DMWD: variants seen among roughly 807,000 people sequenced by gnomAD.
DMWD encodes DM1 locus, WD repeat containing, also known as dystrophia myotonica WD repeat-containing protein.
In DMWD, 19 loss-of-function variants were observed where a neutral mutation model predicts 45.8. That is an observed-to-expected ratio of 0.41 (90% CI 0.29 to 0.61). DMWD has a LOEUF of 0.61. Ranked by LOEUF, DMWD falls within the 20% of genes least tolerant of loss-of-function variation. The probability of loss-of-function intolerance (pLI) is 0.25; values close to 1 mark genes in which losing one functional copy is unlikely to be tolerated. For synonymous variants in DMWD, 515 were observed against 440.5 expected (o/e 1.17, Z -2.12); for missense variants, 802 against 965.2 (o/e 0.83, Z 2.24).
Position 45,787,117 on chromosome 19 carries a change from G to A in DMWD, c.625-246C>T, listed in dbSNP as rs751835352. The stretch of plus-strand genomic sequence containing the variant: ...GCCACAGGGTGCTCCAAGGAGCCTC[G>A]ATGTCCCATCTTTGGCGAGGGGACA... On this transcript the variant is annotated intron_variant, in intron 2 of 4. Coordinates refer to ENST00000270223, the MANE Select transcript of DMWD (RefSeq NM_004943.2). 6 of 638,056 alleles carry A rather than the reference G, an allele frequency of 9.4e-6. No homozygotes were observed. In the East Asian group the frequency reaches 1.2e-4, roughly 12 times the overall value. 39.5% of individuals were successfully genotyped at this position (638,056 alleles called of 1,614,324 possible).
rs776045973 is a variant in DMWD at position 45,785,845 on chromosome 19, G to C, written c.1651C>G (p.Arg551Gly). 6.2e-7 allele frequency: 1 copy of C among 1,609,926 alleles called. No homozygotes were observed. Among genetic ancestry groups the C allele is most frequent in the Non-Finnish European group, 8.5e-7 (1 of 1,179,716 alleles). ...CTGCCACTGCCGCCACTGCCACCCCGGCTGATGTTGCCCAGGCTGTGGTAG... is the reference window on the plus strand; with the variant it reads ...CTGCCACTGCCGCCACTGCCACCCCCGCTGATGTTGCCCAGGCTGTGGTAG... ...KRYHSLGNIS[R>G]GGSGGSGSGG... Residue 551 changes from arginine to glycine, a missense_variant, in exon 3 of 5, where the codon CGG becomes GGG. Coordinates refer to ENST00000270223, the MANE Select transcript of DMWD (RefSeq NM_004943.2).
Position 45,786,069 on chromosome 19 carries a change from G to GAA in DMWD, c.1426_1427insTT (p.Ser476PhefsTer184). The GAA allele has an allele frequency of 6.6e-7, 1 of 1,522,424 alleles. No individual in the cohort carries two copies. The highest frequency in any genetic ancestry group is 1.4e-5 in the African/African-American group (1 of 72,680). 94.3% of individuals were successfully genotyped at this position (1,522,424 alleles called of 1,614,324 possible). A position where few individuals can be genotyped will look rare whatever the true frequency, so the allele number is the denominator to read the frequency against. ...GCCTGGGCCAGGCTCGCCACCCCTC[G>GAA]AGCTGCTGGCGGCCGGTGGCGTGGT... On this transcript the variant is annotated frameshift_variant, in exon 3 of 5. Transcript: ENST00000270223. LOFTEE classifies it high-confidence loss of function.
Position 45,786,678 on chromosome 19 carries a change from G to A in DMWD, c.818C>T (p.Pro273Leu). Reference protein sequence around the residue: ...FSVYAAKSKAPRNPLAKWAVG... With the variant: ...FSVYAAKSKALRNPLAKWAVG... ...CGCCCACTTGGCCAGCGGGTTGCGG[G>A]GTGCCTTGCTCTTGGCAGCATAGAC... Residue 273 changes from proline (P) to leucine (L), a missense_variant, in exon 3 of 5, where the codon CCC becomes CTC. Coordinates refer to ENST00000270223, the MANE Select transcript of DMWD (RefSeq NM_004943.2). 2 of 1,610,798 alleles carry A rather than the reference G, an allele frequency of 1.2e-6. No individual in the cohort carries two copies. Among genetic ancestry groups the A allele is most frequent in the Non-Finnish European group, 1.7e-6 (2 of 1,177,442 alleles).
At chr19:45,786,910 A>G (rs1970287465) in intron 2 of DMWD, 39 bp from the exon 3 acceptor site, 1 of 1,588,916 alleles carries the variant, frequency 6.3e-7, no homozygotes, top group Non-Finnish European at 8.6e-7. Context: ...AGAAGGCAGT[A>G]AAACCCAGGC....
chr19:45,784,461 T>C (rs1288377186), intron 4 of DMWD, 171 bp from the exon 5 acceptor site: 72 of 1,295,120 alleles, frequency 5.6e-5, no homozygotes, highest in Middle Eastern at 5.4e-4. Flanking sequence ...GGAACTTGCA[T>C]CTTAGCTAGC....
In DMWD at chr19:45,786,428, G is replaced by C. The variant is rs372611310; in HGVS notation, c.1068C>G (p.Thr356=). ...EDDLVTVWSF[T]EGRVVARGHG... ...GGCCTCGAGCCACCACGCGGCCCTC[G>C]GTGAAGGACCACACGGTGACCAGGT... Residue 356 remains threonine (T), a synonymous_variant, in exon 3 of 5, where the codon ACC becomes ACG. Coordinates refer to ENST00000270223, the MANE Select transcript of DMWD (RefSeq NM_004943.2). 1.2e-6 allele frequency: 2 copies of C among 1,613,388 alleles called. No homozygotes were observed. The highest frequency in any genetic ancestry group is 1.7e-6 in the Non-Finnish European group (2 of 1,179,574).
chr19:45,783,649 C>G lies in DMWD; in HGVS notation c.*594G>C. 2.5e-6 allele frequency: 1 copy of G among 401,082 alleles called. No homozygotes were observed. Among genetic ancestry groups the G allele is most frequent in the Non-Finnish European group, 4.4e-6 (1 of 227,754 alleles). 24.8% of individuals were successfully genotyped at this position (401,082 alleles called of 1,614,324 possible). On this transcript the variant is annotated 3_prime_UTR_variant, in exon 5 of 5. Transcript: ENST00000270223. Reference sequence around the variant, plus strand: ...CTGGGAGCAGGCCTGCACTCCTCCTCTGGGGAAAGCGGACTGCCTAGAACC... The same window carrying G: ...CTGGGAGCAGGCCTGCACTCCTCCTGTGGGGAAAGCGGACTGCCTAGAACC...
rs1970369722 is a variant in DMWD at position 45,792,674 on chromosome 19, G to A, written c.83C>T (p.Thr28Met). The part of the protein sequence containing the change: ...DCAEIKSQFR[T>M]REGFYKLLPG... The stretch of plus-strand genomic sequence containing the variant: ...GAGTAGCTTGTAGAAACCCTCGCGC[G>A]TGCGGAATTGCGACTTAATCTCCGC... The change falls in exon 1 of 5, where the codon ACG (threonine) becomes ATG (methionine). Residue 28 changes from threonine (T) to methionine (M), a missense_variant. Coordinates refer to ENST00000270223, the MANE Select transcript of DMWD (RefSeq NM_004943.2). 4 of 1,309,150 alleles carry A rather than the reference G, an allele frequency of 3.1e-6. No homozygotes were observed. Among genetic ancestry groups the A allele is most frequent in the South Asian group, 3.4e-5 (2 of 57,982 alleles). The allele number at this position is 1,309,150 out of a possible 1,614,324, so 81.1% of individuals were successfully genotyped here. A position where few individuals can be genotyped will look rare whatever the true frequency, so the allele number is the denominator to read the frequency against.
Position 45,792,704 on chromosome 19 carries a change from TCC to T in DMWD, c.51_52del (p.Asp18LeufsTer5). 1 of 1,245,774 alleles carries T rather than the reference TCC, an allele frequency of 8.0e-7. No homozygotes were observed. Among genetic ancestry groups the T allele is most frequent in the South Asian group, 2.2e-5 (1 of 46,056 alleles). The allele number at this position is 1,245,774 out of a possible 1,614,324, so 77.2% of individuals were successfully genotyped here. ...GAATTGCGACTTAATCTCCGCGCAG[TCC>T]CCCATGGCGGCGCCGGGGCCCGAGC... On this transcript the variant is annotated frameshift_variant, in exon 1 of 5. Coordinates refer to ENST00000270223, the MANE Select transcript of DMWD (RefSeq NM_004943.2). LOFTEE classifies it high-confidence loss of function.
In DMWD at chr19:45,792,671, C is replaced by A. The variant is rs1290958154; in HGVS notation, c.86G>T (p.Arg29Leu). 3.0e-6 allele frequency: 4 copies of A among 1,312,126 alleles called. No homozygotes were observed. Among genetic ancestry groups the A allele is most frequent in the Non-Finnish European group, 3.9e-6 (4 of 1,014,858 alleles). 81.3% of individuals were successfully genotyped at this position (1,312,126 alleles called of 1,614,324 possible). A position where few individuals can be genotyped will look rare whatever the true frequency, so the allele number is the denominator to read the frequency against. ...CGGGAGTAGCTTGTAGAAACCCTCG[C>A]GCGTGCGGAATTGCGACTTAATCTC... Reference protein sequence around the residue: ...CAEIKSQFRTREGFYKLLPGD... With the variant: ...CAEIKSQFRTLEGFYKLLPGD... The change falls in exon 1 of 5, where the codon CGC (arginine) becomes CTC (leucine). Residue 29 changes from arginine (R) to leucine (L), a missense_variant. Physicochemically the swap from Arg to Leu is moderately radical, Grantham distance 102. This residue lies in a region of DMWD where 151 missense variants were observed against 128.1 expected (regional missense o/e 1.18). Coordinates refer to ENST00000270223, the MANE Select transcript of DMWD (RefSeq NM_004943.2).
Position 45,792,745 on chromosome 19 carries a change from G to A in DMWD, c.12C>T (p.Gly4=). The A allele has an allele frequency of 1.9e-5, 22 of 1,140,224 alleles. No homozygotes were observed. Among genetic ancestry groups the A allele is most frequent in the Admixed American group, 4.7e-5 (1 of 21,258 alleles). 70.6% of individuals were successfully genotyped at this position (1,140,224 alleles called of 1,614,324 possible). Residue 4 remains glycine, a synonymous_variant, in exon 1 of 5, where the codon GGC becomes GGT. Transcript: ENST00000270223. ...CGGGGCCCGAGCCGCCCTCCGCGCC[G>A]CCCGCCGCCATCTTGGGCGCCCCCC... MAA[G]GAEGGSGPGA...
rs1430180097 is a variant in DMWD at position 45,790,917 on chromosome 19, C to G, written c.612G>C (p.Leu204=). Residue 204 remains leucine, a synonymous_variant, in exon 2 of 5, where the codon CTG becomes CTC. Coordinates refer to ENST00000270223, the MANE Select transcript of DMWD (RefSeq NM_004943.2). ...LDLIKKDTSK[L]FNEERLIDKT... ...GGGCTGCAATCACCTCCTCATTGAACAGCTTGCTGGTGTCCTTTTTGATGA... is the reference window on the plus strand; with the variant it reads ...GGGCTGCAATCACCTCCTCATTGAAGAGCTTGCTGGTGTCCTTTTTGATGA... 5 of 1,605,540 alleles carry G rather than the reference C, an allele frequency of 3.1e-6. No homozygotes were observed. The East Asian group carries it at 1.1e-4, about 36-fold the overall frequency.
Position 45,792,369 on chromosome 19 carries a change from A to G in DMWD, c.388T>C (p.Leu130=). 6.2e-7 allele frequency: 1 copy of G among 1,608,682 alleles called. No individual in the cohort carries two copies. The highest frequency in any genetic ancestry group is 8.5e-7 in the Non-Finnish European group (1 of 1,177,594). Residue 130 remains leucine (L), a synonymous_variant, in exon 1 of 5, where the codon TTG becomes CTG. Transcript: ENST00000270223. ...GGGTAGAAATAGAGCTCACGGCCCA[A>G]GTTGAAGCAGACGCGGTCTCCCCCC... is the stretch of plus-strand genomic sequence containing the variant. ...GSGGDRVCFN[L]GRELYFYPGC...
At position 45,790,885 on chromosome 19, in the gene DMWD, G is replaced by A. The variant is rs757739782; in HGVS notation, c.624+20C>T. The A allele has an allele frequency of 3.3e-5, 53 of 1,589,048 alleles. No homozygotes were observed. Among genetic ancestry groups the A allele is most frequent in the African/African-American group, 5.4e-5 (4 of 73,952 alleles). On this transcript the variant is annotated intron_variant, in intron 2 of 4. Coordinates refer to ENST00000270223, the MANE Select transcript of DMWD (RefSeq NM_004943.2). ...AGGTGAGAAGGCAGAGAAGTTGGGGGCTCTGGGGGCTGCAATCACCTCCTC... is the reference window on the plus strand; with the variant it reads ...AGGTGAGAAGGCAGAGAAGTTGGGGACTCTGGGGGCTGCAATCACCTCCTC...
chr19:45,785,351 T>A (rs573973116), intron 3 of DMWD: 2 of 1,230,648 alleles, frequency 1.6e-6, no homozygotes, highest in African/African-American at 1.6e-5. Flanking sequence ...CAGCCTTGGA[T>A]GCCCCAATTC....
rs757145788 is a variant in DMWD, at chr19:45,786,870, C to T, written c.626G>A (p.Arg209Gln). ...TGTCACCTTGGTCTTGTCGATCAAC[C>T]GCTGCCAGGGGAGACAGTGTGGGGT... Reference protein sequence around the residue: ...KDTSKLFNEERLIDKTKVTYL... With the variant: ...KDTSKLFNEEQLIDKTKVTYL... The change falls in exon 3 of 5, where the codon CGG becomes CAG. Residue 209 changes from arginine to glutamine, a missense_variant and splice_region_variant. Physicochemically the swap from Arg to Gln is conservative, Grantham distance 43 (BLOSUM62 1). Transcript: ENST00000270223. 4.3e-6 allele frequency: 7 copies of T among 1,612,752 alleles called. No individual in the cohort carries two copies. Among genetic ancestry groups the T allele is most frequent in the African/African-American group, 4.0e-5 (3 of 75,000 alleles).
chr19:45,783,814 C>A lies in DMWD; in HGVS notation c.*429G>T. On this transcript the variant is annotated 3_prime_UTR_variant, in exon 5 of 5. Transcript: ENST00000270223. Reference sequence around the variant, plus strand: ...GGGGCTTCCATAATTTAACACTCTTCAAAAGCACAGACAATAGCAAGGGCA... The same window carrying A: ...GGGGCTTCCATAATTTAACACTCTTAAAAAGCACAGACAATAGCAAGGGCA... The A allele has an allele frequency of 2.1e-6, 1 of 470,794 alleles. No homozygotes were observed. Among genetic ancestry groups the A allele is most frequent in the South Asian group, 4.4e-5 (1 of 22,964 alleles). 29.2% of individuals were successfully genotyped at this position (470,794 alleles called of 1,614,324 possible). A position where few individuals can be genotyped will look rare whatever the true frequency, so the allele number is the denominator to read the frequency against.
At position 45,786,284 on chromosome 19, in the gene DMWD, C is replaced by T; in HGVS notation, c.1212G>A (p.Glu404=). 2 of 1,573,054 alleles carry T rather than the reference C, an allele frequency of 1.3e-6. No homozygotes were observed. The highest frequency in any genetic ancestry group is 8.7e-7 in the Non-Finnish European group (1 of 1,147,800). ...CCGAGCCTGTGCCCGCAGCCTCGGGCTCCTCCTCCTCCTCTTCGCCGCTCC... is the reference window on the plus strand; with the variant it reads ...CCGAGCCTGTGCCCGCAGCCTCGGGTTCCTCCTCCTCCTCTTCGCCGCTCC... ...GERSGEEEEE[E]PEAAGTGSAG... The change falls in exon 3 of 5, where the codon GAG becomes GAA. Residue 404 remains glutamate (E), a synonymous_variant. Transcript: ENST00000270223.
chr19:45,790,583 G>A (rs1190505415), intron 2 of DMWD: 3 of 173,388 alleles, frequency 1.7e-5, no homozygotes, highest in Non-Finnish European at 2.5e-5. Flanking sequence ...AACCCGGGAG[G>A]TGGATCTTGC....
Sources: gnomAD v4.1 joint callset for allele counts on GRCh38, gnomAD v4.1.1 for gene constraint, gnomAD v4.1.1 regional missense constraint, MANE v1.5 for transcripts, NCBI Gene and HGNC (gene_info 2026-07-23, HGNC 2026-07-21) for gene names.